The following ADGRL3 variants were observed in gnomAD, a reference collection of about 807,000 sequenced individuals.
The protein encoded by ADGRL3 is calcium-independent alpha-latrotoxin receptor 3.
A neutral mutation model predicts 153.5 loss-of-function variants in ADGRL3; 62 were observed. That is an observed-to-expected ratio of 0.40 (90% CI 0.33 to 0.50). The LOEUF (loss-of-function observed/expected upper bound fraction) is 0.50, where lower values mean the gene tolerates loss of function less well. ADGRL3 is among the 20% of genes least tolerant of loss of function. ADGRL3 has a pLI of 0.47. For missense variants in ADGRL3, 1,641 were observed against 1,859.4 expected (o/e 0.88, Z 2.16); for synonymous variants, 710 against 672.5 (o/e 1.06, Z -0.86).
intron 9 of ADGRL3, among the ~76,000 whole-genome samples, chr4:61,831,794 T>C (rs964602336): frequency 1.3e-5 from 2 of 152,144 alleles, no homozygotes; most frequent in Non-Finnish European, 2.9e-5. Context: ...TGGCTGAGAC[T>C]GTTTAGGGGG....
At chr4:62,052,745 A>G (rs1021208486) in intron 25 of ADGRL3, among the ~76,000 whole-genome samples, 4 of 151,242 alleles carry the variant, frequency 2.6e-5, no homozygotes, top group South Asian at 2.1e-4. Flanking sequence ...AAAAACAGGT[A>G]AAGAGCTTTT....
chr4:62,033,674 A>G (rs1171767071), intron 23 of ADGRL3, among the ~76,000 whole-genome samples: 1 of 151,810 alleles, frequency 6.6e-6, no homozygotes, highest in Non-Finnish European at 1.5e-5. Context: ...GCATTTGCCC[A>G]TGATAAAAAG....
rs2097901484 is a variant in ADGRL3 at position 61,833,822 on chromosome 4, A to C, written c.1480+19933A>C. 2.0e-5 allele frequency among the ~76,000 whole-genome samples: 3 copies of C among 152,176 alleles called. No homozygotes were observed. In the South Asian group the frequency reaches 6.2e-4, roughly 31 times the overall value. On this transcript the variant is annotated intron_variant, in intron 9 of 26. Transcript: ENST00000683033. ...TGTTATTGTCTTTGTTTTAGACTAT[A>C]AACTAAGTTCTTCCCAAAGTTAGTT...
intron 2 of ADGRL3, among the ~76,000 whole-genome samples, chr4:61,435,101 T>G (rs184253322): frequency 6.6e-6 from 1 of 152,220 alleles, no homozygotes; most frequent in East Asian, 1.9e-4. Context: ...AGAACAATTT[T>G]GGTATGCTGT....
intron 1 of ADGRL3, among the ~76,000 whole-genome samples, chr4:61,242,397 C>G (rs1000396902): frequency 6.6e-6 from 1 of 151,994 alleles, no homozygotes; most frequent in Non-Finnish European, 1.5e-5. Flanking sequence ...TCAAACACAT[C>G]GGAGTGTGAA....
chr4:61,614,904 C>T (rs2091822862), intron 5 of ADGRL3, among the ~76,000 whole-genome samples: 1 of 152,142 alleles, frequency 6.6e-6, no homozygotes, highest in South Asian at 2.1e-4. Context: ...ATTTTTTGCT[C>T]GTTGCTTTAT....
intron 11 of ADGRL3, among the ~76,000 whole-genome samples, chr4:61,907,192 CCCAAAAG>C (rs775661474): frequency 4.6e-5 from 7 of 151,992 alleles, no homozygotes; most frequent in Non-Finnish European, 7.4e-5. Context: ...ATAGGATGTT[CCCAAAAG>C]TAAGAGGAGG....
intron 1 of ADGRL3, among the ~76,000 whole-genome samples, chr4:61,373,230 T>G (rs2096561846): frequency 6.6e-6 from 1 of 152,210 alleles, no homozygotes; most frequent in African/African-American, 2.4e-5. Context: ...CTGTTCCTAT[T>G]CGGCCATCTT....
chr4:61,743,662 G>C (rs1358944042), intron 8 of ADGRL3, among the ~76,000 whole-genome samples: 1 of 152,200 alleles, frequency 6.6e-6, no homozygotes, highest in East Asian at 1.9e-4. Flanking sequence ...GAAGCCCACT[G>C]AGGGCCATGG....
At chr4:61,731,417 T>A (rs1016772460) in intron 7 of ADGRL3, among the ~76,000 whole-genome samples, 5 of 152,088 alleles carry the variant, frequency 3.3e-5, no homozygotes, top group African/African-American at 1.2e-4. Context: ...AGGGTCAATA[T>A]CCAAATTACT....
chr4:62,020,191 A>C (rs1362287013), intron 21 of ADGRL3, among the ~76,000 whole-genome samples: 1 of 152,170 alleles, frequency 6.6e-6, no homozygotes. Flanking sequence ...TATGAAAAAG[A>C]ATATAACAGA....
intron 5 of ADGRL3, among the ~76,000 whole-genome samples, chr4:61,631,074 G>A (rs1240810974): frequency 6.6e-6 from 1 of 152,150 alleles, no homozygotes; most frequent in Non-Finnish European, 1.5e-5. Context: ...AATTGTGGCA[G>A]TTACCTTTCA....
intron 3 of ADGRL3, among the ~76,000 whole-genome samples, chr4:61,515,438 A>AT (rs11408970): frequency 0.76 from 115,372 of 151,958 alleles, 44,170 homozygotes; most frequent in East Asian, 0.94. Flanking sequence ...TTTATATGGT[A>AT]TTTTTTCTCT....
intron 1 of ADGRL3, among the ~76,000 whole-genome samples, chr4:61,309,820 A>G (rs548874916): frequency 2.0e-5 from 3 of 152,184 alleles, no homozygotes; most frequent in South Asian, 2.1e-4. Context: ...TGGCAGATGG[A>G]ACAGCTTTTT....
chr4:62,024,795 T>A (rs1717406716), intron 21 of ADGRL3, among the ~76,000 whole-genome samples: 1 of 151,788 alleles, frequency 6.6e-6, no homozygotes, highest in Admixed American at 6.6e-5. Flanking sequence ...CCTGGTGTGG[T>A]GGTATGCGCC....
rs188802108 is a variant in ADGRL3 at position 61,787,041 on chromosome 4, A to G, written c.1400-26768A>G. 4.2e-4 allele frequency among the ~76,000 whole-genome samples: 64 copies of G among 152,258 alleles called. 1 individual carries two copies. The East Asian group carries it at 8.9e-3, about 21-fold the overall frequency. On this transcript the variant is annotated intron_variant, in intron 8 of 26. Coordinates refer to ENST00000683033, the MANE Select transcript of ADGRL3 (RefSeq NM_001387552.1). ...AAAATTTGAAACAAAATTAATTAAA[A>G]CACATTTGTTAGACATTTCTTAGTT...
At chr4:61,546,798 A>C (rs755893904) in intron 4 of ADGRL3, among the ~76,000 whole-genome samples, 1 of 152,208 alleles carries the variant, frequency 6.6e-6, no homozygotes, top group African/African-American at 2.4e-5. Flanking sequence ...AGCACAAAAA[A>C]AATTGAAGAA....
chr4:61,956,224 T>A (rs920068907), intron 17 of ADGRL3, among the ~76,000 whole-genome samples: 1 of 152,126 alleles, frequency 6.6e-6, no homozygotes, highest in Non-Finnish European at 1.5e-5. Flanking sequence ...TTTTAATAAT[T>A]GCCATTCTGA....
intron 8 of ADGRL3, among the ~76,000 whole-genome samples, chr4:61,812,408 C>T (rs11723129): frequency 0.16 from 24,193 of 152,128 alleles, 2,091 homozygotes; most frequent in African/African-American, 0.24. Context: ...ATCAGCGGAG[C>T]TTATTACAAG....
Sources: gnomAD v4.1 joint callset for allele counts (sites outside exome capture counted in the v4.1 genomes callset) on GRCh38, gnomAD v4.1.1 for gene constraint, MANE v1.5 for transcripts, NCBI Gene and HGNC (gene_info 2026-07-23, HGNC 2026-07-21) for gene names.